ADAMTS16: variants seen among roughly 807,000 people sequenced by gnomAD.
ADAMTS16 encodes A disintegrin and metalloproteinase with thrombospondin motifs 16.
In ADAMTS16, 94 loss-of-function variants were observed where a neutral mutation model predicts 145.8. That is an observed-to-expected ratio of 0.64 (90% CI 0.55 to 0.77). The LOEUF is 0.77. Among genes scored for constraint, ADAMTS16 ranks in the 30% least tolerant of loss-of-function variants. The pLI, the probability that ADAMTS16 is intolerant of heterozygous loss-of-function variation, is 0.00. For synonymous variants in ADAMTS16, 659 were observed against 604.3 expected (o/e 1.09, Z -1.33); for missense variants, 1,585 against 1,591.5 (o/e 1.00, Z 0.07).
intron 18 of ADAMTS16, among the ~76,000 whole-genome samples, chr5:5,286,010 GAAGACATCACAACACTGCCTA>G (rs761826627): frequency 4.1e-4 from 63 of 152,166 alleles, no homozygotes; most frequent in Non-Finnish European, 8.1e-4. Context: ...GCATCTCAAG[GAAGACATCACAACACTGCCTA>G]AACTACCCAG....
intron 21 of ADAMTS16, among the ~76,000 whole-genome samples, chr5:5,309,770 G>A (rs928104734): frequency 1.3e-5 from 2 of 151,980 alleles, no homozygotes; most frequent in Admixed American, 6.6e-5. Flanking sequence ...GCACACTGCT[G>A]GTTTGGGGTG....
rs781206296 is a variant in ADAMTS16 at position 5,182,322 on chromosome 5, C to T, written c.763+17C>T. On this transcript the variant is annotated intron_variant, in intron 4 of 22. Transcript: ENST00000274181. ...GCAAGAAATGTATGTAAGGGCGAAT[C>T]TTTGTGTGTATTTAGTGATGCTGAC... The T allele has an allele frequency of 7.5e-6, 12 of 1,600,662 alleles. No homozygotes were observed. The East Asian group carries it at 2.2e-4, about 30-fold the overall frequency.
chr5:5,228,876 T>C (rs1240358198), intron 11 of ADAMTS16, among the ~76,000 whole-genome samples: 1 of 152,236 alleles, frequency 6.6e-6, no homozygotes, highest in African/African-American at 2.4e-5. Context: ...GGCATGCTTA[T>C]ACTGGTCCAA....
chr5:5,303,304 G>C lies in ADAMTS16; in HGVS notation c.2826G>C (p.Thr942=), dbSNP rs761762022. 6.9e-6 allele frequency: 11 copies of C among 1,595,758 alleles called. No individual in the cohort carries two copies. In the South Asian group the frequency reaches 1.0e-4, roughly 15 times the overall value. ...SVGNWSACSR[T]CGGGAQSRPV... is the part of the protein sequence containing the mutation. The stretch of plus-strand genomic sequence containing the variant: ...GGAACTGGAGTGCCTGCAGTCGGAC[G>C]TGTGGCGGGGGTGCCCAGAGCCGCC... The change falls in exon 19 of 23, where the codon ACG becomes ACC. Residue 942 remains threonine, a synonymous_variant. Transcript: ENST00000274181.
At chr5:5,143,746 G>A (rs145359487) in intron 2 of ADAMTS16, among the ~76,000 whole-genome samples, 2,749 of 152,224 alleles carry the variant, frequency 0.018, 32 homozygotes, top group Non-Finnish European at 0.03. Context: ...CCGTCAATGA[G>A]AGACTGGATA....
rs560619187 is a variant in ADAMTS16 at position 5,183,891 on chromosome 5, A to G, written c.763+1586A>G. On this transcript the variant is annotated intron_variant, in intron 4 of 22. Coordinates refer to ENST00000274181, the MANE Select transcript of ADAMTS16 (RefSeq NM_139056.4). ...TGCTAAACTCTATAACACATTCTGT[A>G]TTTGAAAAGTGGAAAAAAGTTCCCA... Among the ~76,000 whole-genome samples the G allele has an allele frequency of 1.1e-4, 17 of 152,344 alleles. No individual in the cohort carries two copies. In the South Asian group the frequency reaches 3.5e-3, roughly 32 times the overall value.
chr5:5,308,146 C>T (rs1272816310), intron 21 of ADAMTS16, among the ~76,000 whole-genome samples: 2 of 152,258 alleles, frequency 1.3e-5, no homozygotes, highest in Non-Finnish European at 2.9e-5. Flanking sequence ...AGACACCCGT[C>T]ACCAAAGCCT....
At chr5:5,164,266 G>A (rs1734808818) in intron 3 of ADAMTS16, among the ~76,000 whole-genome samples, 1 of 152,218 alleles carries the variant, frequency 6.6e-6, no homozygotes, top group Non-Finnish European at 1.5e-5. Flanking sequence ...CAGTGTGGAG[G>A]AGGCAGGAAA....
intron 18 of ADAMTS16, among the ~76,000 whole-genome samples, chr5:5,274,668 A>T (rs73039118): frequency 0.04 from 6,120 of 151,460 alleles, 170 homozygotes; most frequent in African/African-American, 0.083. Flanking sequence ...GCATGTGTGT[A>T]TATGTGTATA....
intron 18 of ADAMTS16, among the ~76,000 whole-genome samples, chr5:5,266,036 C>T (rs1287254048): frequency 6.6e-6 from 1 of 150,476 alleles, no homozygotes. Context: ...GTGACTTTCA[C>T]ATGCAGGAGG....
At chr5:5,286,917 A>G (rs1052789380) in intron 18 of ADAMTS16, among the ~76,000 whole-genome samples, 1 of 151,908 alleles carries the variant, frequency 6.6e-6, no homozygotes, top group African/African-American at 2.4e-5. Flanking sequence ...GTGCTAACAT[A>G]TAGAACCTAC....
chr5:5,261,007 C>T (rs574814148), intron 17 of ADAMTS16, among the ~76,000 whole-genome samples: 1 of 152,212 alleles, frequency 6.6e-6, no homozygotes, highest in Admixed American at 6.5e-5. Context: ...GGAGTGAGAA[C>T]AGGTGTTCCA....
rs1739889119 is a variant in ADAMTS16 at position 5,303,611 on chromosome 5, G to A, written c.3031G>A (p.Val1011Met). Residue 1011 changes from valine (V) to methionine (M), a missense_variant, in exon 20 of 23, where the codon GTG becomes ATG. Val to Met is a conservative substitution (Grantham distance 21). Coordinates refer to ENST00000274181, the MANE Select transcript of ADAMTS16 (RefSeq NM_139056.4). Reference sequence around the variant, plus strand: ...TGGGAAGGGGTGGAGGAAGCGGGCAGTGGCCTGTAAGAGCACCAACCCCTC... The same window carrying A: ...TGGGAAGGGGTGGAGGAAGCGGGCAATGGCCTGTAAGAGCACCAACCCCTC... ...TCGKGWRKRA[V>M]ACKSTNPSAR... The A allele has an allele frequency of 1.9e-6, 3 of 1,614,190 alleles. No homozygotes were observed. The highest frequency in any genetic ancestry group is 1.7e-6 in the Non-Finnish European group (2 of 1,180,038).
intron 12 of ADAMTS16, among the ~76,000 whole-genome samples, chr5:5,234,225 G>A (rs1336493142): frequency 6.6e-6 from 1 of 152,254 alleles, no homozygotes; most frequent in Non-Finnish European, 1.5e-5. Context: ...GTGCCAACCA[G>A]CAAAGGTGAC....
chr5:5,253,383 TC>T (rs112490968), intron 17 of ADAMTS16, among the ~76,000 whole-genome samples: 4 of 152,348 alleles, frequency 2.6e-5, no homozygotes, highest in African/African-American at 9.6e-5. Flanking sequence ...TTCTTTTGTG[TC>T]CTTGATCAGC....
chr5:5,207,814 T>C (rs79525356), intron 9 of ADAMTS16, among the ~76,000 whole-genome samples: 2,280 of 152,250 alleles, frequency 0.015, 64 homozygotes, highest in African/African-American at 0.051. Flanking sequence ...CCTATTGATG[T>C]AATAGATTAC....
chr5:5,225,133 G>A (rs913385894), intron 11 of ADAMTS16, among the ~76,000 whole-genome samples: 1 of 152,126 alleles, frequency 6.6e-6, no homozygotes, highest in Non-Finnish European at 1.5e-5. Context: ...TGGCTGTTCA[G>A]TGGCCAGTGT....
At chr5:5,290,836 A>C (rs2126488473) in intron 18 of ADAMTS16, among the ~76,000 whole-genome samples, 1 of 152,262 alleles carries the variant, frequency 6.6e-6, no homozygotes, top group Admixed American at 6.5e-5. Context: ...ACTGTGTAGG[A>C]CCTGAAAGGC....
intron 3 of ADAMTS16, among the ~76,000 whole-genome samples, chr5:5,167,835 G>T (rs1467931199): frequency 6.6e-6 from 1 of 152,188 alleles, no homozygotes; most frequent in African/African-American, 2.4e-5. Context: ...GGAGTTGAAG[G>T]CCTAAACGTT....
Sources: allele counts gnomAD v4.1 joint callset (sites outside exome capture counted in the v4.1 genomes callset), GRCh38; gene constraint gnomAD v4.1.1; transcripts MANE v1.5; gene names NCBI Gene and HGNC (gene_info 2026-07-23, HGNC 2026-07-21).